The following PRIM2 variants were observed in gnomAD, a reference collection of about 807,000 sequenced individuals.
PRIM2 encodes DNA primase large subunit.
PRIM2 carries 39 observed loss-of-function variants against 67.3 expected under a neutral mutation model. The ratio of observed to expected loss-of-function variants is 0.58; its 90% CI spans 0.45 to 0.76. PRIM2 has a LOEUF of 0.76. Ranked by LOEUF, PRIM2 falls within the 30% of genes least tolerant of loss-of-function variation. The probability of loss-of-function intolerance (pLI) is 0.00; values close to 1 mark genes in which losing one functional copy is unlikely to be tolerated. For missense variants in PRIM2, 398 were observed against 598.7 expected (o/e 0.66, Z 3.50); for synonymous variants, 143 against 198.7 (o/e 0.72, Z 2.36).
intron 9 of PRIM2, among the ~76,000 whole-genome samples, chr6:57,534,134 G>C (rs1195052596): frequency 5.0e-4 from 76 of 152,018 alleles, no homozygotes; most frequent in Admixed American, 1.6e-3. Context: ...TGCTGTTTCC[G>C]CTGTGGGCCT....
chr6:57,285,953 T>C, the PRIM2 span, among the ~76,000 whole-genome samples: 1 of 152,136 alleles, frequency 6.6e-6, no homozygotes, highest in South Asian at 2.1e-4. Flanking sequence ...AGCATTCCTA[T>C]ACACAAATAA....
At chr6:57,583,147 A>G (rs1215391862) in intron 10 of PRIM2, among the ~76,000 whole-genome samples, 3 of 148,536 alleles carry the variant, frequency 2.0e-5, no homozygotes, top group East Asian at 2.0e-4. Context: ...ATAGTATTCC[A>G]TGGTGTATAT....
intron 7 of PRIM2, among the ~76,000 whole-genome samples, chr6:57,412,743 A>G (rs1449028671): frequency 6.6e-6 from 1 of 152,090 alleles, no homozygotes; most frequent in African/African-American, 2.4e-5. Context: ...AGAGTTATGC[A>G]ACAGAAATAT....
At chr6:57,438,943 A>G (rs145033576) in intron 7 of PRIM2, among the ~76,000 whole-genome samples, 3 of 152,058 alleles carry the variant, frequency 2.0e-5, no homozygotes, top group Non-Finnish European at 4.4e-5. Context: ...TCCTACCCTC[A>G]AGTGATCTGC....
chr6:57,621,074 T>A (rs1776844009), intron 12 of PRIM2, among the ~76,000 whole-genome samples: 1 of 152,162 alleles, frequency 6.6e-6, no homozygotes, highest in Non-Finnish European at 1.5e-5. Flanking sequence ...TTGCATTAAA[T>A]TTTTTTTGGT....
chr6:57,638,103 C>T (rs2127500815), intron 13 of PRIM2, among the ~76,000 whole-genome samples: 1 of 152,276 alleles, frequency 6.6e-6, no homozygotes, highest in Non-Finnish European at 1.5e-5. Flanking sequence ...ATACAACATT[C>T]TTAAAGAAAA....
chr6:57,471,034 A>G (rs2127401714), intron 7 of PRIM2, among the ~76,000 whole-genome samples: 1 of 152,326 alleles, frequency 6.6e-6, no homozygotes, highest in South Asian at 2.1e-4. Context: ...TTATAGCAAT[A>G]GCTGAGTTGG....
At chr6:57,255,475 G>T in the PRIM2 span, among the ~76,000 whole-genome samples, 20 of 149,724 alleles carry the variant, frequency 1.3e-4, no homozygotes, top group Admixed American at 1.3e-3. Flanking sequence ...TCCAGCCTGG[G>T]CAACAGAGCA....
chr6:57,584,223 C>T (rs1776150589), intron 10 of PRIM2, among the ~76,000 whole-genome samples: 1 of 152,208 alleles, frequency 6.6e-6, no homozygotes, highest in Non-Finnish European at 1.5e-5. Context: ...ATCTTGTTTT[C>T]TGAGTCTATT....
chr6:57,328,145 C>G (rs6911353), intron 5 of PRIM2, among the ~76,000 whole-genome samples: 5 of 151,976 alleles, frequency 3.3e-5, no homozygotes, highest in Admixed American at 6.6e-5. Flanking sequence ...TTGGAGACCC[C>G]AGTTGTAGAG....
intron 10 of PRIM2, among the ~76,000 whole-genome samples, chr6:57,540,110 C>T (rs1213409904): frequency 6.6e-5 from 10 of 152,178 alleles, no homozygotes; most frequent in African/African-American, 9.6e-5. Context: ...GAATTTTGCT[C>T]TGCCATTGAC....
chr6:57,459,295 A>C (rs1203623819), intron 7 of PRIM2, among the ~76,000 whole-genome samples: 24 of 152,182 alleles, frequency 1.6e-4, no homozygotes, highest in African/African-American at 5.8e-4. Flanking sequence ...CCTTTCCTTT[A>C]CTTTCCACCT....
chr6:57,431,599 A>G (rs866459574), intron 7 of PRIM2, among the ~76,000 whole-genome samples: 5 of 152,104 alleles, frequency 3.3e-5, no homozygotes, highest in Admixed American at 2.0e-4. Flanking sequence ...GTGAGCAATG[A>G]TAGTGTCACT....
At chr6:57,425,531 A>C (rs1372018235) in intron 7 of PRIM2, among the ~76,000 whole-genome samples, 1 of 152,174 alleles carries the variant, frequency 6.6e-6, no homozygotes, top group Non-Finnish European at 1.5e-5. Context: ...ATTATTTTAA[A>C]TTATTCATAG....
At chr6:57,314,347 T>A (rs900468123), upstream of PRIM2, among the ~76,000 whole-genome samples, 2 of 152,114 alleles carry the variant, frequency 1.3e-5, no homozygotes, top group Non-Finnish European at 2.9e-5. Context: ...AAACCCCGTC[T>A]CTACTAAAAA....
intron 11 of PRIM2, among the ~76,000 whole-genome samples, chr6:57,601,825 T>A (rs1300328696): frequency 6.6e-6 from 1 of 152,212 alleles, no homozygotes; most frequent in Non-Finnish European, 1.5e-5. Context: ...TTATCAAAGC[T>A]TACTACAGTA....
At chr6:57,438,609 A>C (rs1772089299) in intron 7 of PRIM2, among the ~76,000 whole-genome samples, 1 of 152,218 alleles carries the variant, frequency 6.6e-6, no homozygotes, top group South Asian at 2.1e-4. Flanking sequence ...TTAGTTTAAA[A>C]AGATCAATTT....
chr6:57,581,720 CT>C (rs1379109499), intron 10 of PRIM2, among the ~76,000 whole-genome samples: 2 of 152,090 alleles, frequency 1.3e-5, no homozygotes, highest in African/African-American at 4.8e-5. Flanking sequence ...CTTGCTAAAT[CT>C]TTTTTTGGCA....
At chr6:57,449,454 A>G (rs1427174041) in intron 7 of PRIM2, among the ~76,000 whole-genome samples, 2 of 152,188 alleles carry the variant, frequency 1.3e-5, no homozygotes, top group African/African-American at 4.8e-5. Context: ...CAATTATTTT[A>G]TGTAAATACA....
Sources: allele counts gnomAD v4.1 joint callset (sites outside exome capture counted in the v4.1 genomes callset), GRCh38; gene constraint gnomAD v4.1.1; transcripts MANE v1.5; gene names NCBI Gene and HGNC (gene_info 2026-07-23, HGNC 2026-07-21).